The following KHDRBS2 variants were observed in gnomAD, a reference collection of about 807,000 sequenced individuals.
The protein encoded by KHDRBS2 is KH RNA binding domain containing, signal transduction associated 2.
Under a neutral mutation model 44.3 loss-of-function variants are expected in KHDRBS2, and 26 were observed. The observed-to-expected ratio is 0.59, with a 90% CI of 0.43 to 0.81. The LOEUF (loss-of-function observed/expected upper bound fraction) is 0.81, where lower values mean the gene tolerates loss of function less well. Ranked by LOEUF, KHDRBS2 falls within the 40% of genes least tolerant of loss-of-function variation. The pLI is 0.00. For synonymous variants in KHDRBS2, 194 were observed against 151.1 expected (o/e 1.28, Z -2.08); for missense variants, 476 against 433.1 (o/e 1.10, Z -0.88).
intron 2 of KHDRBS2, among the ~76,000 whole-genome samples, chr6:62,049,738 T>C (rs900875471): frequency 6.6e-6 from 1 of 151,938 alleles, no homozygotes; most frequent in Non-Finnish European, 1.5e-5. Context: ...ATTCTGTTGA[T>C]AGTACCATCT....
At chr6:61,638,588 T>C in the KHDRBS2 span, among the ~76,000 whole-genome samples, 1 of 152,114 alleles carries the variant, frequency 6.6e-6, no homozygotes, top group African/African-American at 2.4e-5. Flanking sequence ...ATTCAGGGCA[T>C]AGGCATGGGC....
intron 1 of KHDRBS2, among the ~76,000 whole-genome samples, chr6:62,260,293 T>A (rs1379487018): frequency 6.6e-6 from 1 of 152,026 alleles, no homozygotes; most frequent in African/African-American, 2.4e-5. Context: ...AAGTGCCAGG[T>A]ACCTTCCTTT....
At chr6:62,162,029 A>T (rs1313887997) in intron 2 of KHDRBS2, among the ~76,000 whole-genome samples, 5 of 152,108 alleles carry the variant, frequency 3.3e-5, no homozygotes, top group Non-Finnish European at 7.4e-5. Flanking sequence ...ATATAGTAAA[A>T]AGTGAAGTTA....
At chr6:62,258,148 A>G (rs948942306) in intron 1 of KHDRBS2, among the ~76,000 whole-genome samples, 1 of 151,986 alleles carries the variant, frequency 6.6e-6, no homozygotes, top group Non-Finnish European at 1.5e-5. Context: ...CTGTGCACTT[A>G]CTTTACTGTT....
At chr6:61,770,802 C>T (rs1305261118) in intron 6 of KHDRBS2, among the ~76,000 whole-genome samples, 1 of 152,132 alleles carries the variant, frequency 6.6e-6, no homozygotes. Flanking sequence ...TCTAGCAAGG[C>T]AGGCCAACAT....
intron 6 of KHDRBS2, among the ~76,000 whole-genome samples, chr6:61,753,546 G>C (rs1051827168): frequency 6.6e-6 from 1 of 152,116 alleles, no homozygotes; most frequent in Admixed American, 6.5e-5. Flanking sequence ...TTAATCAATA[G>C]GATCTTTTGT....
At chr6:61,788,468 C>A (rs1784158099) in intron 6 of KHDRBS2, among the ~76,000 whole-genome samples, 1 of 151,276 alleles carries the variant, frequency 6.6e-6, no homozygotes, top group East Asian at 1.9e-4. Context: ...TGTATGAGAA[C>A]AATTTGTTGT....
chr6:61,951,025 T>C (rs181666145), intron 4 of KHDRBS2, among the ~76,000 whole-genome samples: 6 of 151,872 alleles, frequency 4.0e-5, no homozygotes, highest in African/African-American at 7.2e-5. Context: ...AGGCATGAGA[T>C]GGAATGGAGA....
At chr6:62,046,381 A>G (rs1055411491) in intron 3 of KHDRBS2, among the ~76,000 whole-genome samples, 7 of 151,986 alleles carry the variant, frequency 4.6e-5, no homozygotes, top group Non-Finnish European at 1.0e-4. Flanking sequence ...TAACTAGAAC[A>G]GTTCTCCATC....
intron 1 of KHDRBS2, among the ~76,000 whole-genome samples, chr6:62,197,423 C>A (rs959771068): frequency 6.6e-6 from 1 of 152,130 alleles, no homozygotes; most frequent in Admixed American, 6.6e-5. Context: ...CATCACCAAT[C>A]ATCTACAGAA....
chr6:62,039,154 C>A (rs1028008352), intron 3 of KHDRBS2, among the ~76,000 whole-genome samples: 3 of 151,682 alleles, frequency 2.0e-5, no homozygotes, highest in South Asian at 2.1e-4. Context: ...ATTATACATG[C>A]TCTAGATTTG....
chr6:61,731,959 G>T (rs918643087), intron 7 of KHDRBS2, among the ~76,000 whole-genome samples: 2 of 152,022 alleles, frequency 1.3e-5, no homozygotes, highest in African/African-American at 4.8e-5. Context: ...ACAGATAGTT[G>T]GTTTCCAGAG....
chr6:62,107,788 C>G (rs208983), intron 2 of KHDRBS2, among the ~76,000 whole-genome samples: 5 of 151,904 alleles, frequency 3.3e-5, no homozygotes, highest in Non-Finnish European at 2.9e-5. Context: ...GAAATAATGC[C>G]GCATATCTAC....
intron 1 of KHDRBS2, among the ~76,000 whole-genome samples, chr6:62,180,464 A>T (rs551360915): frequency 6.6e-6 from 1 of 151,992 alleles, no homozygotes; most frequent in South Asian, 2.1e-4. Flanking sequence ...AAAGAATAAA[A>T]CACTTGGGAG....
the KHDRBS2 span, among the ~76,000 whole-genome samples, chr6:61,570,795 C>G: frequency 6.6e-6 from 1 of 152,038 alleles, no homozygotes; most frequent in South Asian, 2.1e-4. Flanking sequence ...AATTGTCCGC[C>G]AAGACTTTTG....
chr6:61,947,644 G>C (rs934970907), intron 4 of KHDRBS2, among the ~76,000 whole-genome samples: 10 of 151,798 alleles, frequency 6.6e-5, no homozygotes, highest in Non-Finnish European at 1.3e-4. Flanking sequence ...AACTTAGTGG[G>C]TTTTGAAAAG....
At chr6:61,917,983 C>T (rs775638409) in intron 4 of KHDRBS2, among the ~76,000 whole-genome samples, 33 of 152,058 alleles carry the variant, frequency 2.2e-4, no homozygotes, top group Non-Finnish European at 3.7e-4. Flanking sequence ...CCTCCATATA[C>T]ATTTCTGATC....
At chr6:62,119,422 C>T (rs1221675910) in intron 2 of KHDRBS2, among the ~76,000 whole-genome samples, 1 of 152,166 alleles carries the variant, frequency 6.6e-6, no homozygotes, top group Non-Finnish European at 1.5e-5. Flanking sequence ...CTAAGCCTCA[C>T]ATCTAACATT....
At chr6:61,977,965 T>G in intron 4 of KHDRBS2, 101 bp downstream of exon 4, 2 of 984,208 alleles carry the variant, frequency 2.0e-6, no homozygotes, top group Non-Finnish European at 3.0e-6. Flanking sequence ...ATCATTGGTT[T>G]GCAATATGAG....
Sources: gnomAD v4.1 joint callset for allele counts (sites outside exome capture counted in the v4.1 genomes callset) on GRCh38, gnomAD v4.1.1 for gene constraint, MANE v1.5 for transcripts, NCBI Gene and HGNC (gene_info 2026-07-23, HGNC 2026-07-21) for gene names.